Variants in ADAM9 observed in about 807,000 individuals in gnomAD.
ADAM9 encodes the protein ADAM metallopeptidase domain 9.
Under a neutral mutation model 108.1 loss-of-function variants are expected in ADAM9, and 54 were observed. That is an observed-to-expected ratio of 0.50 (90% CI 0.40 to 0.63). The LOEUF (loss-of-function observed/expected upper bound fraction) is 0.63, where lower values mean the gene tolerates loss of function less well. ADAM9 is among the 20% of genes least tolerant of loss of function. ADAM9 has a pLI of 0.00. For synonymous variants in ADAM9, 316 were observed against 336.0 expected, an observed-to-expected ratio of 0.94 and a Z score of 0.65; for missense variants, 830 against 997.7, an observed-to-expected ratio of 0.83 and a Z score of 2.26.
intron 14 of ADAM9, among the ~76,000 whole-genome samples, chr8:39,057,438 A>C (rs1322031630): frequency 6.6e-6 from 1 of 151,486 alleles, no homozygotes; most frequent in Non-Finnish European, 1.5e-5. Context: ...AATCTGATAT[A>C]TTAGATTCAT....
At chr8:38,998,942 T>A (rs1001375936) in intron 1 of ADAM9, among the ~76,000 whole-genome samples, 1 of 152,174 alleles carries the variant, frequency 6.6e-6, no homozygotes, top group African/African-American at 2.4e-5. Context: ...GGAAGTTCTT[T>A]GGGCAGTGGA....
At chr8:39,043,979 T>G (rs1372594802) in intron 12 of ADAM9, among the ~76,000 whole-genome samples, 7 of 152,236 alleles carry the variant, frequency 4.6e-5, no homozygotes, top group Non-Finnish European at 1.0e-4. Context: ...TAGCTCTTCC[T>G]GTATATTTTG....
chr8:39,049,294 G>T (rs1489791997), intron 12 of ADAM9, among the ~76,000 whole-genome samples: 1 of 151,762 alleles, frequency 6.6e-6, no homozygotes, highest in Non-Finnish European at 1.5e-5. Flanking sequence ...ATATCTTGTA[G>T]TAATAACAGT....
At chr8:39,083,755 T>C (rs1049881204) in intron 18 of ADAM9, among the ~76,000 whole-genome samples, 2 of 152,206 alleles carry the variant, frequency 1.3e-5, no homozygotes, top group East Asian at 1.9e-4. Flanking sequence ...ACTGATTTGC[T>C]TTTTAAAATT....
chr8:39,078,600 G>A (rs1411630743), intron 16 of ADAM9, among the ~76,000 whole-genome samples: 1 of 152,078 alleles, frequency 6.6e-6, no homozygotes, highest in Non-Finnish European at 1.5e-5. Flanking sequence ...TGACCAACAT[G>A]GTGAAACCTC....
At chr8:39,081,155 G>A (rs554669473) in intron 16 of ADAM9, among the ~76,000 whole-genome samples, 5 of 151,964 alleles carry the variant, frequency 3.3e-5, no homozygotes, top group Admixed American at 6.6e-5. Context: ...CACCATGTTG[G>A]CCAGGCTGGT....
chr8:39,091,776 T>C (rs1839363790), intron 20 of ADAM9, among the ~76,000 whole-genome samples: 1 of 152,196 alleles, frequency 6.6e-6, no homozygotes, highest in Admixed American at 6.5e-5. Context: ...TATGAGCCAC[T>C]GTGCCCTGCC....
At chr8:39,066,404 CCAG>C (rs1588403848) in intron 14 of ADAM9, among the ~76,000 whole-genome samples, 1 of 152,352 alleles carries the variant, frequency 6.6e-6, no homozygotes, top group East Asian at 1.9e-4. Flanking sequence ...CACATCCTCT[CCAG>C]CACCTGTTGT....
intron 11 of ADAM9, among the ~76,000 whole-genome samples, chr8:39,031,323 T>C (rs951281377): frequency 1.3e-5 from 2 of 152,244 alleles, no homozygotes; most frequent in African/African-American, 4.8e-5. Flanking sequence ...AAAGATTATC[T>C]TTTATTGTAT....
At position 39,045,170 on chromosome 8, in the gene ADAM9, GTGTATATATGTGTATACATACATA is replaced by G. The variant is rs1281803158; in HGVS notation, c.1302+3055_1302+3078del. 8.3e-5 allele frequency among the ~76,000 whole-genome samples: 10 copies of G among 120,106 alleles called. 1 individual carries two copies. The highest frequency in any genetic ancestry group is 2.9e-4 in the African/African-American group (10 of 33,946). The allele number at this position is 120,106 out of a possible 152,430, so 78.8% of individuals were successfully genotyped here. A position where few individuals can be genotyped will look rare whatever the true frequency, so the allele number is the denominator to read the frequency against. ...TATATATGTGTATACATACATATAT[GTGTATATATGTGTATACATACATA>G]TATGTGTATATATGTGTATACATAC... is the stretch of plus-strand genomic sequence containing the variant. On this transcript the variant is annotated intron_variant, in intron 12 of 21. Transcript: ENST00000487273.
intron 2 of ADAM9, among the ~76,000 whole-genome samples, chr8:39,008,316 A>G (rs966161489): frequency 1.3e-5 from 2 of 151,982 alleles, no homozygotes; most frequent in African/African-American, 4.8e-5. Context: ...GACTACAGGC[A>G]TGTGCCACCA....
Position 39,018,880 on chromosome 8 carries a change from C to G in ADAM9, c.634C>G (p.Arg212Gly), listed in dbSNP as rs748192481. The G allele has an allele frequency of 1.2e-6, 2 of 1,613,710 alleles. No individual in the cohort carries two copies. Among genetic ancestry groups the G allele is most frequent in the East Asian group, 4.5e-5 (2 of 44,846 alleles). The change falls in exon 7 of 22, where the codon CGG (arginine) becomes GGG (glycine). Residue 212 changes from arginine to glycine, a missense_variant. Transcript: ENST00000487273. ...RRRRAVLPQT[R>G]YVELFIVVDK... Reference sequence around the variant, plus strand: ...AAGAAGAGCTGTCTTGCCACAGACCCGGTATGTGGAGCTGTTCATTGTCGT... The same window carrying G: ...AAGAAGAGCTGTCTTGCCACAGACCGGGTATGTGGAGCTGTTCATTGTCGT...
At chr8:39,102,344 G>C (rs1839726917) in intron 21 of ADAM9, among the ~76,000 whole-genome samples, 1 of 152,190 alleles carries the variant, frequency 6.6e-6, no homozygotes, top group Non-Finnish European at 1.5e-5. Context: ...AAGGTCAGGA[G>C]AGGAAGGAAA....
Position 39,103,847 on chromosome 8 carries a change from A to G in ADAM9, c.*147A>G, listed in dbSNP as rs1839779462. The stretch of plus-strand genomic sequence containing the variant: ...ACAGACTTCACTAACACAGAAAAAC[A>G]GAAACTGAGTGTGAGAGTTGTGAAA... On this transcript the variant is annotated 3_prime_UTR_variant, in exon 22 of 22. Coordinates refer to ENST00000487273, the MANE Select transcript of ADAM9 (RefSeq NM_003816.3). 1.3e-6 allele frequency: 1 copy of G among 773,322 alleles called. No homozygotes were observed. Among genetic ancestry groups the G allele is most frequent in the Admixed American group, 2.0e-5 (1 of 50,276 alleles). 47.9% of individuals were successfully genotyped at this position (773,322 alleles called of 1,614,324 possible).
chr8:39,057,279 AT>A (rs1287153980), intron 14 of ADAM9, among the ~76,000 whole-genome samples: 1 of 151,382 alleles, frequency 6.6e-6, no homozygotes, highest in Admixed American at 6.6e-5. Context: ...TAAGTGACAC[AT>A]TACTGTAGAT....
In ADAM9 at chr8:39,071,540, C is replaced by G. The variant is rs547899335; in HGVS notation, c.1697+137C>G. ...GGAGTGCAGTGGCGCGATCTCGGCT[C>G]GCTGCACCCTCCGCCTCCCAGGTTC... is the stretch of plus-strand genomic sequence containing the variant. On this transcript the variant is annotated intron_variant, in intron 15 of 21. Transcript: ENST00000487273. 1.1e-5 allele frequency: 8 copies of G among 731,140 alleles called. No homozygotes were observed. The East Asian group carries it at 2.3e-4, about 21-fold the overall frequency. The allele number at this position is 731,140 out of a possible 1,614,324, so 45.3% of individuals were successfully genotyped here. A position where few individuals can be genotyped will look rare whatever the true frequency, so the allele number is the denominator to read the frequency against.
intron 1 of ADAM9, among the ~76,000 whole-genome samples, chr8:39,003,377 G>A (rs1357384838): frequency 1.3e-5 from 2 of 151,704 alleles, no homozygotes; most frequent in African/African-American, 2.4e-5. Context: ...ACAGGACAGC[G>A]CCCTTACAGG....
intron 11 of ADAM9, 71 bp downstream of exon 11, chr8:39,026,881 T>G: frequency 6.3e-7 from 1 of 1,583,434 alleles, no homozygotes; most frequent in Admixed American, 1.7e-5. Flanking sequence ...GTGAGGGATA[T>G]TCATGTCTAC....
At chr8:39,078,896 AATCC>A (rs1838933564) in intron 16 of ADAM9, among the ~76,000 whole-genome samples, 1 of 152,180 alleles carries the variant, frequency 6.6e-6, no homozygotes, top group Admixed American at 6.6e-5. Context: ...TTCTTATGCA[AATCC>A]CAGTTTCCCT....
Sources: gnomAD v4.1 joint callset for allele counts (sites outside exome capture counted in the v4.1 genomes callset) on GRCh38, gnomAD v4.1.1 for gene constraint, MANE v1.5 for transcripts, NCBI Gene and HGNC (gene_info 2026-07-23, HGNC 2026-07-21) for gene names.